Variants in SDK1 observed in about 807,000 individuals in gnomAD.
SDK1 encodes the protein sidekick cell adhesion molecule 1, also known as protein sidekick-1.
SDK1 carries 157 observed loss-of-function variants against 245.5 expected under a neutral mutation model. The ratio of observed to expected loss-of-function variants is 0.64; its 90% confidence interval spans 0.56 to 0.73. The LOEUF is 0.73. SDK1 is among the 30% of genes least tolerant of loss of function. The pLI, the probability that SDK1 is intolerant of heterozygous loss-of-function variation, is 0.00. For missense variants in SDK1, 3,583 were observed against 3,002.3 expected, an observed-to-expected ratio of 1.19 and a Z score of -4.52; for synonymous variants, 1,647 against 1,278.5, an observed-to-expected ratio of 1.29 and a Z score of -6.15.
At chr7:3,966,256 T>A (rs1782073019) in intron 9 of SDK1, among the ~76,000 whole-genome samples, 1 of 151,994 alleles carries the variant, frequency 6.6e-6, no homozygotes, top group African/African-American at 2.4e-5. Flanking sequence ...CTTGCCATGG[T>A]CCATGGGATT....
intron 8 of SDK1, among the ~76,000 whole-genome samples, chr7:3,961,922 TACAC>T (rs768315067): frequency 6.6e-6 from 1 of 152,032 alleles, no homozygotes; most frequent in Non-Finnish European, 1.5e-5. Context: ...TACACAGATG[TACAC>T]ACACATATAC....
chr7:3,981,443 G>A (rs1160184193), intron 13 of SDK1, among the ~76,000 whole-genome samples: 2 of 149,904 alleles, frequency 1.3e-5, no homozygotes, highest in Non-Finnish European at 3.0e-5. Flanking sequence ...AGGGTTGTAC[G>A]TCTCTCACTA....
chr7:3,914,635 T>C (rs993630247), intron 5 of SDK1, among the ~76,000 whole-genome samples: 46 of 152,214 alleles, frequency 3.0e-4, no homozygotes, highest in African/African-American at 1.0e-3. Flanking sequence ...CTTTCCCAAC[T>C]CTTATTGCAA....
intron 22 of SDK1, among the ~76,000 whole-genome samples, chr7:4,090,827 A>G (rs78204407): frequency 0.04 from 6,023 of 152,298 alleles, 174 homozygotes; most frequent in Non-Finnish European, 0.054. Flanking sequence ...CTAGCCACAC[A>G]TACTGAAAAG....
chr7:4,078,479 G>A (rs976947152), intron 21 of SDK1, among the ~76,000 whole-genome samples: 4 of 152,102 alleles, frequency 2.6e-5, no homozygotes, highest in Non-Finnish European at 4.4e-5. Flanking sequence ...TGCCCATGCC[G>A]ATACTGAATT....
At chr7:3,350,923 C>G (rs1780643529) in intron 1 of SDK1, among the ~76,000 whole-genome samples, 1 of 152,160 alleles carries the variant, frequency 6.6e-6, no homozygotes. Flanking sequence ...ATATTTTGAG[C>G]TGGGTATTAA....
chr7:3,303,635 T>C (rs1485624305), intron 1 of SDK1, among the ~76,000 whole-genome samples: 1 of 152,254 alleles, frequency 6.6e-6, no homozygotes, highest in African/African-American at 2.4e-5. Flanking sequence ...TACATTTATA[T>C]GGCTTATGAA....
intron 1 of SDK1, among the ~76,000 whole-genome samples, chr7:3,329,089 G>T (rs762095573): frequency 1.3e-5 from 2 of 152,062 alleles, no homozygotes; most frequent in Non-Finnish European, 2.9e-5. Context: ...AAGTAGGTAC[G>T]TCTTTAAATG....
chr7:3,495,009 C>A (rs572483111), intron 1 of SDK1, among the ~76,000 whole-genome samples: 2 of 152,224 alleles, frequency 1.3e-5, no homozygotes, highest in East Asian at 3.9e-4. Flanking sequence ...GAACCATAAA[C>A]CTGGTGTTGA....
intron 5 of SDK1, among the ~76,000 whole-genome samples, chr7:3,855,448 A>G (rs1192879997): frequency 1.3e-5 from 2 of 152,208 alleles, no homozygotes; most frequent in African/African-American, 4.8e-5. Context: ...TAAATTAAAC[A>G]TTGATTGTTG....
intron 14 of SDK1, among the ~76,000 whole-genome samples, chr7:4,001,319 C>A (rs1249884587): frequency 2.6e-5 from 4 of 152,216 alleles, no homozygotes; most frequent in Non-Finnish European, 4.4e-5. Context: ...CTGGATATAT[C>A]CAGTCACCAT....
At chr7:3,507,071 T>C (rs972427519) in intron 1 of SDK1, among the ~76,000 whole-genome samples, 1 of 152,162 alleles carries the variant, frequency 6.6e-6, no homozygotes, top group Non-Finnish European at 1.5e-5. Flanking sequence ...AACTGTGTAT[T>C]ATCATATGGT....
chr7:3,559,186 A>C (rs1779675346), intron 1 of SDK1, among the ~76,000 whole-genome samples: 1 of 152,204 alleles, frequency 6.6e-6, no homozygotes, highest in South Asian at 2.1e-4. Context: ...TATATACTTG[A>C]AAATAAAATT....
chr7:3,357,179 G>A (rs905480254), intron 1 of SDK1, among the ~76,000 whole-genome samples: 1 of 150,868 alleles, frequency 6.6e-6, no homozygotes, highest in Non-Finnish European at 1.5e-5. Context: ...TTTTCCTTTT[G>A]GAATCATGTG....
chr7:3,625,650 G>A (rs1406890957), intron 2 of SDK1, among the ~76,000 whole-genome samples: 1 of 152,170 alleles, frequency 6.6e-6, no homozygotes, highest in Non-Finnish European at 1.5e-5. Flanking sequence ...CACTCTAATG[G>A]GTGAAAGAGG....
chr7:3,436,551 G>T (rs1405322006), intron 1 of SDK1, among the ~76,000 whole-genome samples: 1 of 151,960 alleles, frequency 6.6e-6, no homozygotes. Context: ...TTGAAATTTG[G>T]CAACTGAGGT....
chr7:4,108,308 C>G lies in SDK1; in HGVS notation c.3325-2355C>G, dbSNP rs144484354. Among the ~76,000 whole-genome samples the G allele has an allele frequency of 3.5e-3, 534 of 152,308 alleles. 2 individuals carry two copies. The highest frequency in any genetic ancestry group is 6.2e-3 in the Non-Finnish European group (425 of 68,020). On this transcript the variant is annotated intron_variant, in intron 22 of 44. Transcript: ENST00000404826. ...AGGTTCGCCTAGACCCTTCCCTTCTCCAAGATGAGTGTTCTGTGGAACCTT... is the reference window on the plus strand; with the variant it reads ...AGGTTCGCCTAGACCCTTCCCTTCTGCAAGATGAGTGTTCTGTGGAACCTT...
chr7:3,343,207 C>T (rs1166826882), intron 1 of SDK1, among the ~76,000 whole-genome samples: 1 of 152,102 alleles, frequency 6.6e-6, no homozygotes, highest in Non-Finnish European at 1.5e-5. Flanking sequence ...CATGCAAAAA[C>T]CTGTACACCA....
At chr7:4,264,989 G>T in intron 44 of SDK1, 135 bp from the exon 45 acceptor site, 1 of 1,372,452 alleles carries the variant, frequency 7.3e-7, no homozygotes, top group Admixed American at 2.4e-5. Context: ...CTGGCATTGG[G>T]TTGGGGTGGG....
Sources: gnomAD v4.1 joint callset for allele counts (sites outside exome capture counted in the v4.1 genomes callset) on GRCh38, gnomAD v4.1.1 for gene constraint, MANE v1.5 for transcripts, NCBI Gene and HGNC (gene_info 2026-07-23, HGNC 2026-07-21) for gene names.